NALF1: variants seen among roughly 807,000 people sequenced by gnomAD.
The protein encoded by NALF1 is family with sequence similarity 155 member A.
A neutral mutation model predicts 48.4 loss-of-function variants in NALF1; 3 were observed. That is an observed-to-expected ratio of 0.06 (90% CI 0.03 to 0.16). The LOEUF is 0.16. Ranked by LOEUF, NALF1 falls within the 10% of genes least tolerant of loss-of-function variation. The probability of loss-of-function intolerance (pLI) is 1.00; values close to 1 mark genes in which losing one functional copy is unlikely to be tolerated. For missense variants in NALF1, 526 were observed against 571.5 expected (o/e 0.92, Z 0.81); for synonymous variants, 262 against 245.7 (o/e 1.07, Z -0.62).
In NALF1 at chr13:107,846,646, G is replaced by A. The variant is rs571465093; in HGVS notation, c.915+19036C>T. Among the ~76,000 whole-genome samples, 10 of 152,312 alleles carry A rather than the reference G, an allele frequency of 6.6e-5. 1 individual carries two copies. In the South Asian group the frequency reaches 2.1e-3, roughly 32 times the overall value. ...GATGCATCTCCTAGAAGAATTAGAA[G>A]AATATCTAGCATTCCAGAGTTGGTG... is the stretch of plus-strand genomic sequence containing the variant. On this transcript the variant is annotated intron_variant, in intron 1 of 2. Coordinates refer to ENST00000375915, the MANE Select transcript of NALF1 (RefSeq NM_001080396.3).
intron 1 of NALF1, among the ~76,000 whole-genome samples, chr13:107,405,139 C>T (rs1883877001): frequency 6.6e-6 from 1 of 152,030 alleles, no homozygotes; most frequent in South Asian, 2.1e-4. Flanking sequence ...ATCAGGTCTG[C>T]TATATGGCAG....
At chr13:107,550,891 T>C (rs1877272558) in intron 1 of NALF1, among the ~76,000 whole-genome samples, 3 of 150,080 alleles carry the variant, frequency 2.0e-5, no homozygotes, top group African/African-American at 7.3e-5. Flanking sequence ...TCACTATTTA[T>C]TGACATTCAG....
intron 1 of NALF1, among the ~76,000 whole-genome samples, chr13:107,446,269 G>A (rs1416073294): frequency 3.3e-5 from 5 of 152,034 alleles, no homozygotes; most frequent in Non-Finnish European, 5.9e-5. Flanking sequence ...ATAAAGTTCC[G>A]ATAATTCTTT....
At chr13:107,413,645 G>C (rs1259053863) in intron 1 of NALF1, among the ~76,000 whole-genome samples, 1 of 151,928 alleles carries the variant, frequency 6.6e-6, no homozygotes, top group Non-Finnish European at 1.5e-5. Flanking sequence ...TTCCATTTGA[G>C]CCTTTTTTTC....
At chr13:107,802,657 G>C (rs535507343) in intron 1 of NALF1, among the ~76,000 whole-genome samples, 1 of 151,616 alleles carries the variant, frequency 6.6e-6, no homozygotes, top group Non-Finnish European at 1.5e-5. Context: ...TTAATGACAA[G>C]AGCCATGTTT....
intron 1 of NALF1, among the ~76,000 whole-genome samples, chr13:107,217,997 C>T (rs79103304): frequency 0.013 from 1,959 of 152,270 alleles, 49 homozygotes; most frequent in African/African-American, 0.044. Context: ...ATGTTCAAAG[C>T]TCCTAACCGA....
At chr13:107,211,129 G>A (rs544677109) in intron 1 of NALF1, among the ~76,000 whole-genome samples, 2 of 152,252 alleles carry the variant, frequency 1.3e-5, no homozygotes, top group South Asian at 2.1e-4. Context: ...TACTTGCAAC[G>A]TGGCTGATGA....
At chr13:107,248,968 A>G (rs926443950) in intron 1 of NALF1, among the ~76,000 whole-genome samples, 4 of 151,534 alleles carry the variant, frequency 2.6e-5, no homozygotes, top group Non-Finnish European at 5.9e-5. Flanking sequence ...ACACATATAT[A>G]TATGTATATA....
At chr13:107,407,765 A>T (rs1012848684) in intron 1 of NALF1, among the ~76,000 whole-genome samples, 1 of 152,134 alleles carries the variant, frequency 6.6e-6, no homozygotes, top group Non-Finnish European at 1.5e-5. Context: ...CACGAAAGAA[A>T]GAAAATTAGT....
chr13:107,702,629 G>T (rs1267285064), intron 1 of NALF1, among the ~76,000 whole-genome samples: 5 of 152,182 alleles, frequency 3.3e-5, no homozygotes, highest in African/African-American at 1.2e-4. Context: ...TTGCCGCACA[G>T]ACCATCCCAT....
chr13:107,618,743 T>A (rs1879446613), intron 1 of NALF1, among the ~76,000 whole-genome samples: 1 of 152,066 alleles, frequency 6.6e-6, no homozygotes, highest in Admixed American at 6.6e-5. Context: ...TGACCACTTG[T>A]TAGGTGGCAG....
At chr13:107,263,961 T>A (rs1472975388) in intron 1 of NALF1, among the ~76,000 whole-genome samples, 4 of 152,230 alleles carry the variant, frequency 2.6e-5, no homozygotes, top group African/African-American at 9.6e-5. Context: ...TTTGGTTGTG[T>A]TGGAACATGG....
intron 1 of NALF1, among the ~76,000 whole-genome samples, chr13:107,420,926 A>T (rs1884175135): frequency 6.6e-6 from 1 of 152,096 alleles, no homozygotes; most frequent in African/African-American, 2.4e-5. Context: ...ATTTCTAGGC[A>T]TGCTATCTAA....
At chr13:107,445,147 T>C (rs1334481276) in intron 1 of NALF1, among the ~76,000 whole-genome samples, 1 of 152,168 alleles carries the variant, frequency 6.6e-6, no homozygotes, top group Non-Finnish European at 1.5e-5. Context: ...GTATGTTCTA[T>C]GCAATTCCAT....
At chr13:107,350,789 C>G (rs536825008) in intron 1 of NALF1, among the ~76,000 whole-genome samples, 1 of 152,186 alleles carries the variant, frequency 6.6e-6, no homozygotes, top group African/African-American at 2.4e-5. Context: ...TGATGATGCA[C>G]AGACTGCTGG....
chr13:107,763,283 T>C (rs9559151), intron 1 of NALF1, among the ~76,000 whole-genome samples: 13,807 of 151,986 alleles, frequency 0.091, 747 homozygotes, highest in East Asian at 0.17. Flanking sequence ...AATCAAACTT[T>C]AATGGGTAAA....
chr13:107,541,264 GC>G (rs1876991057), intron 1 of NALF1, among the ~76,000 whole-genome samples: 1 of 152,090 alleles, frequency 6.6e-6, no homozygotes, highest in African/African-American at 2.4e-5. Flanking sequence ...TTCTAGTCTT[GC>G]TTTTGAAGAG....
At chr13:107,825,136 G>T (rs1165481801) in intron 1 of NALF1, among the ~76,000 whole-genome samples, 1 of 152,080 alleles carries the variant, frequency 6.6e-6, no homozygotes, top group Non-Finnish European at 1.5e-5. Flanking sequence ...ACAATATAAA[G>T]TAAACAAAAT....
chr13:107,215,535 C>T (rs942497633), intron 1 of NALF1, among the ~76,000 whole-genome samples: 4 of 151,982 alleles, frequency 2.6e-5, no homozygotes, highest in Admixed American at 6.5e-5. Flanking sequence ...TTGGTTATAA[C>T]GGCACAGCCT....
Sources: allele counts gnomAD v4.1 joint callset (sites outside exome capture counted in the v4.1 genomes callset), GRCh38; gene constraint gnomAD v4.1.1; transcripts MANE v1.5; gene names NCBI Gene and HGNC (gene_info 2026-07-23, HGNC 2026-07-21).